ECT2L: variants seen among roughly 807,000 people sequenced by gnomAD.
The protein encoded by ECT2L is epithelial cell transforming 2 like.
A neutral mutation model predicts 122.8 loss-of-function variants in ECT2L; 126 were observed. That is an observed-to-expected ratio of 1.03 (90% CI 0.89 to 1.19). The LOEUF is 1.19. ECT2L is among the 50% of genes most tolerant of loss of function. The pLI is 0.00. For missense variants in ECT2L, 1,012 were observed against 1,064.1 expected (o/e 0.95, Z 0.68); for synonymous variants, 385 against 381.8 (o/e 1.01, Z -0.10).
intron 10 of ECT2L, among the ~76,000 whole-genome samples, chr6:138,862,311 T>G (rs983397014): frequency 2.0e-5 from 3 of 152,102 alleles, no homozygotes; most frequent in Non-Finnish European, 4.4e-5. Flanking sequence ...AGGGAGCTTA[T>G]AATCACGGCA....
At position 138,903,864 on chromosome 6, in the gene ECT2L, T is replaced by C. The variant is rs1400712885; in HGVS notation, c.*1237T>C. On this transcript the variant is annotated 3_prime_UTR_variant, in exon 22 of 22. Coordinates refer to ENST00000541398, the MANE Select transcript of ECT2L (RefSeq NM_001077706.3). ...AGCTTGAGGTTGTCAGTTTCCCTTG[T>C]TCTTCAAATTCTTGTTTACAGTAAC... 1 of 152,202 alleles carries C rather than the reference T, an allele frequency of 6.6e-6. No homozygotes were observed. Among genetic ancestry groups the C allele is most frequent in the Non-Finnish European group, 1.5e-5 (1 of 68,016 alleles). 9.4% of individuals were successfully genotyped at this position (152,202 alleles called of 1,614,324 possible). A position where few individuals can be genotyped will look rare whatever the true frequency, so the allele number is the denominator to read the frequency against.
At chr6:138,825,782 T>C (rs2128380402) in intron 4 of ECT2L, among the ~76,000 whole-genome samples, 1 of 152,346 alleles carries the variant, frequency 6.6e-6, no homozygotes, top group Admixed American at 6.5e-5. Context: ...GCTTTACCCA[T>C]ATCTAGTTTT....
chr6:138,812,541 T>C (rs776866999), intron 1 of ECT2L, among the ~76,000 whole-genome samples: 25 of 152,224 alleles, frequency 1.6e-4, no homozygotes, highest in Non-Finnish European at 2.8e-4. Flanking sequence ...CAGTGGCTCA[T>C]GCCTGTAATC....
At chr6:138,832,769 A>G (rs766395750) in intron 4 of ECT2L, among the ~76,000 whole-genome samples, 2 of 151,506 alleles carry the variant, frequency 1.3e-5, no homozygotes, top group Non-Finnish European at 2.9e-5. Flanking sequence ...TTTAATTTAT[A>G]ACTTGCTGAT....
intron 7 of ECT2L, among the ~76,000 whole-genome samples, chr6:138,845,135 C>T (rs1777177066): frequency 6.6e-6 from 1 of 151,992 alleles, no homozygotes; most frequent in Admixed American, 6.6e-5. Context: ...ATTCAGTTAC[C>T]AAATCATACT....
chr6:138,797,704 C>G (rs76454724), intron 1 of ECT2L, among the ~76,000 whole-genome samples: 3,131 of 152,294 alleles, frequency 0.021, 47 homozygotes, highest in Non-Finnish European at 0.029. Context: ...AGCCCTTCAC[C>G]TCTTGTCACC....
chr6:138,878,428 G>C (rs531291182), intron 14 of ECT2L, among the ~76,000 whole-genome samples: 2 of 152,104 alleles, frequency 1.3e-5, no homozygotes, highest in South Asian at 4.2e-4. Flanking sequence ...GCCACGAAGG[G>C]AGAAAGGAGG....
chr6:138,849,537 A>T, intron 9 of ECT2L, 103 bp downstream of exon 9: 2 of 1,147,474 alleles, frequency 1.7e-6, no homozygotes, highest in South Asian at 2.0e-5. Context: ...AGTTGCTAAG[A>T]CGTGTTGATT....
chr6:138,850,926 G>T (rs547915001), intron 9 of ECT2L, among the ~76,000 whole-genome samples: 4 of 138,490 alleles, frequency 2.9e-5, no homozygotes, highest in East Asian at 2.3e-4. Context: ...GCTTGAACCT[G>T]GGAGGCGGAC....
At chr6:138,833,717 G>A (rs1251549950) in intron 4 of ECT2L, among the ~76,000 whole-genome samples, 5 of 151,994 alleles carry the variant, frequency 3.3e-5, no homozygotes, top group Non-Finnish European at 5.9e-5. Flanking sequence ...CAGGAGAATC[G>A]CTTGAATCCA....
At chr6:138,867,544 T>C (rs1285167836) in intron 12 of ECT2L, among the ~76,000 whole-genome samples, 1 of 151,032 alleles carries the variant, frequency 6.6e-6, no homozygotes, top group Non-Finnish European at 1.5e-5. Flanking sequence ...CTGCAGTGGC[T>C]CACGCCTGTA....
At chr6:138,895,095 C>G (rs1016066795) in intron 20 of ECT2L, among the ~76,000 whole-genome samples, 6 of 151,622 alleles carry the variant, frequency 4.0e-5, no homozygotes, top group Non-Finnish European at 7.4e-5. Context: ...CCCGTCTCTA[C>G]AGGGGAAAAA....
At chr6:138,816,857 G>A (rs1416392082) in intron 4 of ECT2L, among the ~76,000 whole-genome samples, 1 of 152,116 alleles carries the variant, frequency 6.6e-6, no homozygotes, top group Non-Finnish European at 1.5e-5. Flanking sequence ...CAGTGGTTCC[G>A]GTACATTCAC....
chr6:138,856,434 A>G (rs1039198198), intron 10 of ECT2L, among the ~76,000 whole-genome samples: 16 of 152,066 alleles, frequency 1.1e-4, no homozygotes, highest in African/African-American at 3.9e-4. Context: ...AGGCTGGTCT[A>G]GAACTTCTGA....
chr6:138,893,762 T>A (rs1779119062), intron 20 of ECT2L, among the ~76,000 whole-genome samples: 1 of 152,144 alleles, frequency 6.6e-6, no homozygotes, highest in African/African-American at 2.4e-5. Context: ...TGCAAGAATC[T>A]GGCAGGCTCC....
At chr6:138,838,263 T>C in intron 4 of ECT2L, 89 bp from the exon 5 acceptor site, 1 of 1,180,812 alleles carries the variant, frequency 8.5e-7, no homozygotes, top group Non-Finnish European at 1.2e-6. Context: ...GGTAGAACAT[T>C]GGAGGAAGAT....
chr6:138,799,585 CTG>C (rs1375298748), intron 1 of ECT2L, among the ~76,000 whole-genome samples: 1 of 151,920 alleles, frequency 6.6e-6, no homozygotes, highest in Non-Finnish European at 1.5e-5. Context: ...CAGGGTCTCA[CTG>C]TATCGCCCAG....
chr6:138,809,996 G>T (rs1039222569), intron 1 of ECT2L, among the ~76,000 whole-genome samples: 1 of 152,156 alleles, frequency 6.6e-6, no homozygotes, highest in African/African-American at 2.4e-5. Context: ...TAAAACTATA[G>T]CCTGGAATAG....
At chr6:138,881,687 T>C (rs1363452291) in intron 15 of ECT2L, among the ~76,000 whole-genome samples, 2 of 151,862 alleles carry the variant, frequency 1.3e-5, no homozygotes, top group African/African-American at 4.8e-5. Context: ...AGGCATTAGA[T>C]TCTCATAAGG....
Sources: allele counts gnomAD v4.1 joint callset (sites outside exome capture counted in the v4.1 genomes callset), GRCh38; gene constraint gnomAD v4.1.1; transcripts MANE v1.5; gene names NCBI Gene and HGNC (gene_info 2026-07-23, HGNC 2026-07-21).